The following ABCA1 variants were observed in gnomAD, a reference collection of about 807,000 sequenced individuals.
ABCA1 encodes the protein phospholipid-transporting ATPase ABCA1.
A neutral mutation model predicts 262.5 loss-of-function variants in ABCA1; 133 were observed. The ratio of observed to expected loss-of-function variants is 0.51; its 90% CI spans 0.44 to 0.59. ABCA1 has a LOEUF of 0.59. Ranked by LOEUF, ABCA1 falls within the 20% of genes least tolerant of loss-of-function variation. The pLI, the probability that ABCA1 is intolerant of heterozygous loss-of-function variation, is 0.00. For synonymous variants in ABCA1, 1,022 were observed against 1,043.5 expected (o/e 0.98, Z 0.40); for missense variants, 2,452 against 2,777.5 (o/e 0.88, Z 2.63).
intron 5 of ABCA1, among the ~76,000 whole-genome samples, chr9:104,882,042 A>AC (rs1338301860): frequency 2.1e-5 from 3 of 146,116 alleles, no homozygotes; most frequent in African/African-American, 7.5e-5. Flanking sequence ...AAAAAAAAAA[A>AC]AAAAAAAAAA....
At chr9:104,900,205 T>A (rs193067593) in intron 2 of ABCA1, among the ~76,000 whole-genome samples, 22 of 152,284 alleles carry the variant, frequency 1.4e-4, no homozygotes, top group Non-Finnish European at 1.0e-4. Flanking sequence ...GTTTCTAGTC[T>A]TCCTGGCGGC....
At chr9:104,920,273 T>C (rs1239019722) in intron 1 of ABCA1, among the ~76,000 whole-genome samples, 1 of 152,222 alleles carries the variant, frequency 6.6e-6, no homozygotes, top group African/African-American at 2.4e-5. Flanking sequence ...TTCAAAGAAG[T>C]CAACAATCTC....
Position 104,793,195 on chromosome 9 carries a change from T to C in ABCA1, c.5612A>G (p.Gln1871Arg). ...CCTGGGCCTGATGAAGAATCTGTAC[T>C]GGATCAGAACAGTAATGAGGAAGAA... is the stretch of plus-strand genomic sequence containing the variant. ...VVFFLITVLI[Q>R]YRFFIRPRPV... is the part of the protein sequence containing the mutation. Residue 1871 changes from glutamine to arginine, a missense_variant, in exon 41 of 50, where the codon CAG (glutamine) becomes CGG (arginine). Physicochemically the swap from Gln to Arg is conservative, Grantham distance 43. Transcript: ENST00000374736. 6.2e-7 allele frequency: 1 copy of C among 1,614,138 alleles called. No homozygotes were observed. Among genetic ancestry groups the C allele is most frequent in the Non-Finnish European group, 8.5e-7 (1 of 1,180,008 alleles).
intron 35 of ABCA1, among the ~76,000 whole-genome samples, 163 bp from the exon 36 acceptor site, chr9:104,800,151 C>G (rs539257199): frequency 6.6e-6 from 1 of 152,316 alleles, no homozygotes; most frequent in Admixed American, 6.5e-5. Context: ...TTACAGTGTT[C>G]AGGACATAGT....
In ABCA1 at chr9:104,783,742, C is replaced by T. The variant is rs1828676335; in HGVS notation, c.*573G>A. On this transcript the variant is annotated 3_prime_UTR_variant, in exon 50 of 50. Transcript: ENST00000374736. ...TCAACTGATATTCAATGTTGATAGA[C>T]TCTGAGCAGAGCAGCTTTCACAAAA... The T allele has an allele frequency of 6.4e-6, 1 of 156,172 alleles. No homozygotes were observed. The highest frequency in any genetic ancestry group is 1.9e-4 in the East Asian group (1 of 5,322). The allele number at this position is 156,172 out of a possible 1,614,324, so 9.7% of individuals were successfully genotyped here.
At chr9:104,786,175 C>T in intron 48 of ABCA1, 123 bp downstream of exon 48, 1 of 829,196 alleles carries the variant, frequency 1.2e-6, no homozygotes, top group Admixed American at 2.0e-5. Context: ...CTCATTCTTT[C>T]CACTATACTG....
rs1588276066 is a variant in ABCA1, at chr9:104,814,034, G to A, written c.3901+84C>T. On this transcript the variant is annotated intron_variant, in intron 27 of 49. Coordinates refer to ENST00000374736, the MANE Select transcript of ABCA1 (RefSeq NM_005502.4). ...TAGGGATCTATCACCTTGGCTAAAG[G>A]CCATCCAAAGAAAACAGGTGAGAGC... 52 of 1,399,684 alleles carry A rather than the reference G, an allele frequency of 3.7e-5. No homozygotes were observed. The East Asian group carries it at 1.2e-3, about 32-fold the overall frequency. The allele number at this position is 1,399,684 out of a possible 1,614,324, so 86.7% of individuals were successfully genotyped here.
chr9:104,800,099 T>C (rs1830205074), intron 35 of ABCA1, 111 bp from the exon 36 acceptor site: 4 of 1,180,600 alleles, frequency 3.4e-6, no homozygotes, highest in East Asian at 2.3e-5. Context: ...TCTAGTCACA[T>C]ACCAAGGCAA....
At chr9:104,883,992 G>A (rs1838923733) in intron 4 of ABCA1, among the ~76,000 whole-genome samples, 1 of 151,682 alleles carries the variant, frequency 6.6e-6, no homozygotes, top group African/African-American at 2.4e-5. Context: ...GGCAGTGACA[G>A]AGGTGAGAGA....
chr9:104,828,115 CT>C (rs1832955513), intron 15 of ABCA1, among the ~76,000 whole-genome samples: 1 of 152,218 alleles, frequency 6.6e-6, no homozygotes, highest in African/African-American at 2.4e-5. Context: ...CAAAACTGCA[CT>C]GCCCAGAGTC....
At chr9:104,787,608 C>T (rs1829039549) in intron 46 of ABCA1, among the ~76,000 whole-genome samples, 1 of 152,212 alleles carries the variant, frequency 6.6e-6, no homozygotes, top group Non-Finnish European at 1.5e-5. Flanking sequence ...CCACACTCTT[C>T]ATTTTCAGGG....
chr9:104,901,864 C>T lies in ABCA1; in HGVS notation c.66+1750G>A, dbSNP rs566352277. On this transcript the variant is annotated intron_variant, in intron 2 of 49. Coordinates refer to ENST00000374736, the MANE Select transcript of ABCA1 (RefSeq NM_005502.4). ...AACATGTGGAAATAACAGTACATCG[C>T]GGGGCCTTAAAAGGAATAAATCTAG... Among the ~76,000 whole-genome samples the T allele has an allele frequency of 1.4e-3, 213 of 152,242 alleles. 2 individuals are homozygous for T. In the Middle Eastern group the frequency reaches 0.02, roughly 15 times the overall value.
chr9:104,798,729 A>G, intron 36 of ABCA1, 131 bp from the exon 37 acceptor site: 1 of 791,672 alleles, frequency 1.3e-6, no homozygotes, highest in African/African-American at 1.7e-5. Flanking sequence ...AGCCCAAGGA[A>G]AAACATCTGT....
intron 44 of ABCA1, among the ~76,000 whole-genome samples, chr9:104,790,105 A>AAC (rs1829293805): frequency 6.6e-6 from 1 of 152,010 alleles, no homozygotes; most frequent in African/African-American, 2.4e-5. Context: ...TCAAAAAAAA[A>AAC]AAAGCCCAGA....
chr9:104,867,124 A>G (rs1205912430), intron 5 of ABCA1, among the ~76,000 whole-genome samples: 4 of 152,232 alleles, frequency 2.6e-5, no homozygotes, highest in Non-Finnish European at 4.4e-5. Flanking sequence ...TGAACTTGAA[A>G]CAAACCAAGT....
At chr9:104,858,270 T>A (rs922761976) in intron 7 of ABCA1, among the ~76,000 whole-genome samples, 8 of 152,160 alleles carry the variant, frequency 5.3e-5, no homozygotes, top group Non-Finnish European at 8.8e-5. Context: ...CTTCTCTGAT[T>A]GAAACAAGCA....
intron 7 of ABCA1, chr9:104,855,754 A>G: frequency 6.4e-7 from 1 of 1,551,326 alleles, no homozygotes; most frequent in Admixed American, 2.0e-5. Flanking sequence ...TTCAAATGCA[A>G]TATTCAAACC....
In ABCA1 at chr9:104,781,548, TTACTA is replaced by T. The variant is rs1209957734; in HGVS notation, c.*2762_*2766del. On this transcript the variant is annotated 3_prime_UTR_variant, in exon 50 of 50. Transcript: ENST00000374736. ...ACAGACAAATGGCTTTAGTCAATGATTACTATACAGTGAATGAATGATGTGCAACA... is the reference window on the plus strand; with the variant it reads ...ACAGACAAATGGCTTTAGTCAATGATTACAGTGAATGAATGATGTGCAACA... 2.0e-5 allele frequency: 3 copies of T among 152,732 alleles called. No individual in the cohort carries two copies. The highest frequency in any genetic ancestry group is 3.9e-4 in the East Asian group (2 of 5,184). 9.5% of individuals were successfully genotyped at this position (152,732 alleles called of 1,614,324 possible). A position where few individuals can be genotyped will look rare whatever the true frequency, so the allele number is the denominator to read the frequency against.
Position 104,792,777 on chromosome 9 carries a change from C to T in ABCA1, c.5757+9G>A. On this transcript the variant is annotated intron_variant, in intron 42 of 49. Coordinates refer to ENST00000374736, the MANE Select transcript of ABCA1 (RefSeq NM_005502.4). ...TGAAGATGAGCTATTGTAACCTGTA[C>T]TCTCTCACCTTCGTCAACTCCTTGA... 1 of 1,613,992 alleles carries T rather than the reference C, an allele frequency of 6.2e-7. No homozygotes were observed. Among genetic ancestry groups the T allele is most frequent in the Non-Finnish European group, 8.5e-7 (1 of 1,179,934 alleles).
Sources: gnomAD v4.1 joint callset for allele counts (sites outside exome capture counted in the v4.1 genomes callset) on GRCh38, gnomAD v4.1.1 for gene constraint, MANE v1.5 for transcripts, NCBI Gene and HGNC (gene_info 2026-07-23, HGNC 2026-07-21) for gene names.